CSRNP2: variants seen among roughly 807,000 people sequenced by gnomAD.
The protein encoded by CSRNP2 is cysteine/serine-rich nuclear protein 2.
Under a neutral mutation model 36.6 loss-of-function variants are expected in CSRNP2, and 11 were observed. That is an observed-to-expected ratio of 0.30 (90% CI 0.19 to 0.50). CSRNP2 has a LOEUF of 0.50. CSRNP2 is among the 20% of genes least tolerant of loss of function. The pLI, the probability that CSRNP2 is intolerant of heterozygous loss-of-function variation, is 0.98. For synonymous variants in CSRNP2, 248 were observed against 275.3 expected (o/e 0.90, Z 0.98); for missense variants, 483 against 691.4 (o/e 0.70, Z 3.38).
Position 51,067,591 on chromosome 12 carries a change from G to T in CSRNP2, c.708+82C>A. 1.5e-6 allele frequency: 2 copies of T among 1,366,278 alleles called. No homozygotes were observed. The highest frequency in any genetic ancestry group is 2.0e-6 in the Non-Finnish European group (2 of 979,030). The allele number at this position is 1,366,278 out of a possible 1,614,324, so 84.6% of individuals were successfully genotyped here. On this transcript the variant is annotated intron_variant, in intron 4 of 4. Coordinates refer to ENST00000228515, the MANE Select transcript of CSRNP2 (RefSeq NM_030809.3). The surrounding 1 kb of genome is among the most constrained non-coding windows in gnomAD (Gnocchi z 4.1). ...ACCATAGGGAATCCACCCCTGAATG[G>T]GCCTCCCATGTTCAGTGGCACCCAC... is the stretch of plus-strand genomic sequence containing the variant.
intron 2 of CSRNP2, 141 bp downstream of exon 2, chr12:51,076,270 G>T: frequency 1.2e-6 from 1 of 864,568 alleles, no homozygotes; most frequent in Non-Finnish European, 1.8e-6. Flanking sequence ...TACGGTATGA[G>T]AGAAATGAGG....
chr12:51,076,918 T>C, intron 1 of CSRNP2: 1 of 183,660 alleles, frequency 5.4e-6, no homozygotes, highest in Non-Finnish European at 1.1e-5. Context: ...CCAGCTGGGG[T>C]CTAGGCTTCA....
At chr12:51,073,089 G>A (rs372224565) in intron 3 of CSRNP2, among the ~76,000 whole-genome samples, 4 of 152,164 alleles carry the variant, frequency 2.6e-5, no homozygotes, top group South Asian at 4.2e-4. Context: ...ATGGTGGCAT[G>A]AGCCTGTGGT....
intron 2 of CSRNP2, among the ~76,000 whole-genome samples, chr12:51,075,350 G>A (rs965773710): frequency 6.6e-6 from 1 of 152,074 alleles, no homozygotes; most frequent in Non-Finnish European, 1.5e-5. Context: ...GAGTTCAAGT[G>A]ATCCACCCAT....
rs1435984342 is a variant in CSRNP2 at position 51,067,111 on chromosome 12, G to A, written c.708+562C>T. 6.6e-6 allele frequency among the ~76,000 whole-genome samples: 1 copy of A among 151,888 alleles called. No homozygotes were observed. Among genetic ancestry groups the A allele is most frequent in the Non-Finnish European group, 1.5e-5 (1 of 67,898 alleles). ...CTCCCAAAGTGCTGGGATTACAGAT[G>A]TGAGCCACCATGCCCAGTCCTGCTT... is the stretch of plus-strand genomic sequence containing the variant. On this transcript the variant is annotated intron_variant, in intron 4 of 4. Transcript: ENST00000228515. The surrounding 1 kb of genome is among the most constrained non-coding windows in gnomAD (Gnocchi z 4.1).
rs1279033679 is a variant in CSRNP2, at chr12:51,062,237, G to A, written c.*1509C>T. On this transcript the variant is annotated 3_prime_UTR_variant, in exon 5 of 5. Coordinates refer to ENST00000228515, the MANE Select transcript of CSRNP2 (RefSeq NM_030809.3). ...CCACCAGAAAAGGCTTTATGAGCAA[G>A]ATAAGTAGGAGTAGTGTCTCCCCCC... 1.3e-5 allele frequency: 2 copies of A among 152,198 alleles called. No individual in the cohort carries two copies. The highest frequency in any genetic ancestry group is 2.9e-5 in the Non-Finnish European group (2 of 68,028). 9.4% of individuals were successfully genotyped at this position (152,198 alleles called of 1,614,324 possible).
chr12:51,071,028 G>T (rs934865048), intron 3 of CSRNP2, among the ~76,000 whole-genome samples: 9 of 152,060 alleles, frequency 5.9e-5, no homozygotes, highest in Non-Finnish European at 1.0e-4. Context: ...TTGGGAGGCC[G>T]AGGCGGGTGG....
At chr12:51,069,281 T>G (rs1592754553) in intron 3 of CSRNP2, among the ~76,000 whole-genome samples, 1 of 142,268 alleles carries the variant, frequency 7.0e-6, no homozygotes, top group Admixed American at 7.5e-5. Flanking sequence ...GGCTTCCTTC[T>G]CCTTTCTTTT....
At chr12:51,071,933 T>C (rs1939178022) in intron 3 of CSRNP2, among the ~76,000 whole-genome samples, 1 of 152,116 alleles carries the variant, frequency 6.6e-6, no homozygotes, top group Admixed American at 6.5e-5. Flanking sequence ...AGCCTGAATG[T>C]CATTCTAGAG....
chr12:51,064,766 G>T, intron 4 of CSRNP2, 97 bp from the exon 5 acceptor site: 1 of 1,113,100 alleles, frequency 9.0e-7, no homozygotes, highest in Non-Finnish European at 1.2e-6. Context: ...TGGGATTTGA[G>T]GTCTCCTTGT....
In CSRNP2 at chr12:51,076,287, A is replaced by G. The variant is rs752525073; in HGVS notation, c.151+124T>C. On this transcript the variant is annotated intron_variant, in intron 2 of 4. Transcript: ENST00000228515. ...CGGTATGAGAGAAATGAGGTCCTCCAAAGAGCAAGGAAAGATGATGATTAA... is the reference window on the plus strand; with the variant it reads ...CGGTATGAGAGAAATGAGGTCCTCCGAAGAGCAAGGAAAGATGATGATTAA... The G allele has an allele frequency of 6.7e-5, 71 of 1,054,728 alleles. No homozygotes were observed. The Middle Eastern group carries it at 9.4e-4, about 14-fold the overall frequency. The allele number at this position is 1,054,728 out of a possible 1,614,324, so 65.3% of individuals were successfully genotyped here. A position where few individuals can be genotyped will look rare whatever the true frequency, so the allele number is the denominator to read the frequency against.
chr12:51,066,484 TACA>T (rs1938331499), intron 4 of CSRNP2, among the ~76,000 whole-genome samples: 4 of 133,934 alleles, frequency 3.0e-5, no homozygotes, highest in African/African-American at 1.1e-4. Flanking sequence ...ATTACAACAA[TACA>T]ACAATTAGCC....
At chr12:51,076,330 A>G in intron 2 of CSRNP2, 81 bp downstream of exon 2, 1 of 1,488,188 alleles carries the variant, frequency 6.7e-7, no homozygotes, top group African/African-American at 1.4e-5. Flanking sequence ...TCCCCAAGCC[A>G]CACAGACGCT....
At chr12:51,076,829 T>C in intron 1 of CSRNP2, 182 bp from the exon 2 acceptor site, 1 of 410,718 alleles carries the variant, frequency 2.4e-6, no homozygotes, top group Non-Finnish European at 4.5e-6. Context: ...TCAGCCCCTC[T>C]ATTCTCAATC....
intron 3 of CSRNP2, among the ~76,000 whole-genome samples, chr12:51,068,243 C>T (rs943567650): frequency 2.6e-5 from 4 of 152,200 alleles, no homozygotes; most frequent in Non-Finnish European, 5.9e-5. Context: ...CTACAACCTC[C>T]GCCTCCCGGG....
intron 2 of CSRNP2, among the ~76,000 whole-genome samples, chr12:51,075,348 G>C (rs1939350456): frequency 6.6e-6 from 1 of 152,106 alleles, no homozygotes. Context: ...CTGAGTTCAA[G>C]TGATCCACCC....
chr12:51,072,128 G>A (rs1343638546), intron 3 of CSRNP2, among the ~76,000 whole-genome samples: 1 of 152,088 alleles, frequency 6.6e-6, no homozygotes, highest in Non-Finnish European at 1.5e-5. Context: ...TTTTAATATG[G>A]GTCAGCATGC....
At position 51,063,749 on chromosome 12, in the gene CSRNP2, C is replaced by T. The variant is rs967943988; in HGVS notation, c.1629G>A (p.Val543=). The part of the protein sequence containing the change: ...EDSSLELPLA[V] The stretch of plus-strand genomic sequence containing the variant: ...GAGGCAGGACCTCTAGCGCCTGTCA[C>T]ACTGCCAGAGGGAGTTCTAAGGAAG... The change falls in exon 5 of 5, where the codon GTG becomes GTA. Residue 543 remains valine (V), a synonymous_variant. Transcript: ENST00000228515. 1 of 1,539,558 alleles carries T rather than the reference C, an allele frequency of 6.5e-7. No homozygotes were observed. The highest frequency in any genetic ancestry group is 1.4e-5 in the African/African-American group (1 of 72,322).
chr12:51,080,404 T>G (rs1172251441), intron 1 of CSRNP2, among the ~76,000 whole-genome samples: 1 of 152,160 alleles, frequency 6.6e-6, no homozygotes, highest in Non-Finnish European at 1.5e-5. Flanking sequence ...TTAGGTTACT[T>G]TTTGTGAACT....
Sources: gnomAD v4.1 joint callset for allele counts (sites outside exome capture counted in the v4.1 genomes callset) on GRCh38, gnomAD v4.1.1 for gene constraint, Gnocchi (gnomAD v3.1) non-coding constraint, MANE v1.5 for transcripts, NCBI Gene and HGNC (gene_info 2026-07-23, HGNC 2026-07-21) for gene names.